The following OSBP2 variants were observed in gnomAD, a reference collection of about 807,000 sequenced individuals.
OSBP2 encodes the protein oxysterol-binding protein 2.
A neutral mutation model predicts 96.0 loss-of-function variants in OSBP2; 66 were observed. The ratio of observed to expected loss-of-function variants is 0.69; its 90% confidence interval spans 0.56 to 0.84. OSBP2 has a LOEUF of 0.84. OSBP2 is among the 40% of genes least tolerant of loss of function. OSBP2 has a pLI of 0.00. For synonymous variants in OSBP2, 525 were observed against 520.9 expected, an observed-to-expected ratio of 1.01 and a Z score of -0.11; for missense variants, 1,038 against 1,222.7, an observed-to-expected ratio of 0.85 and a Z score of 2.25.
At chr22:30,807,021 A>C (rs548177197) in intron 2 of OSBP2, among the ~76,000 whole-genome samples, 3 of 152,336 alleles carry the variant, frequency 2.0e-5, no homozygotes, top group South Asian at 4.1e-4. Flanking sequence ...TGAATTGTTT[A>C]AGAGGCATGT....
intron 12 of OSBP2, 182 bp downstream of exon 12, chr22:30,894,183 C>A (rs2040015910): frequency 1.7e-6 from 1 of 603,578 alleles, no homozygotes; most frequent in South Asian, 2.0e-5. Context: ...AAATGTGAAA[C>A]TATCAAACAC....
chr22:30,832,962 C>A (rs2038559135), intron 2 of OSBP2, among the ~76,000 whole-genome samples: 1 of 152,218 alleles, frequency 6.6e-6, no homozygotes, highest in African/African-American at 2.4e-5. Flanking sequence ...TTAGTTCTTA[C>A]TCTCATGGGA....
intron 2 of OSBP2, among the ~76,000 whole-genome samples, chr22:30,839,783 T>G (rs1261546124): frequency 1.3e-5 from 2 of 151,928 alleles, no homozygotes; most frequent in African/African-American, 4.8e-5. Flanking sequence ...TTTCTCCCAT[T>G]TTGTAGGTTG....
At chr22:30,850,723 T>A (rs1171042645) in intron 2 of OSBP2, among the ~76,000 whole-genome samples, 1 of 152,190 alleles carries the variant, frequency 6.6e-6, no homozygotes, top group Non-Finnish European at 1.5e-5. Flanking sequence ...GGTCTTGAAC[T>A]CCTGACCTCA....
At chr22:30,891,629 C>G (rs1602426403) in intron 8 of OSBP2, among the ~76,000 whole-genome samples, 2 of 152,032 alleles carry the variant, frequency 1.3e-5, no homozygotes, top group African/African-American at 4.8e-5. Flanking sequence ...GTGACACACG[C>G]AGGGGTGTGG....
chr22:30,866,274 C>T (rs1051060819), intron 2 of OSBP2, among the ~76,000 whole-genome samples: 1 of 152,212 alleles, frequency 6.6e-6, no homozygotes, highest in African/African-American at 2.4e-5. Context: ...GAAGATGCCT[C>T]TTTGCTGGCT....
chr22:30,729,654 TGTGTGTGTATATA>T (rs1390618990), intron 1 of OSBP2, among the ~76,000 whole-genome samples: 1 of 151,854 alleles, frequency 6.6e-6, no homozygotes, highest in Admixed American at 6.6e-5. Flanking sequence ...TATATATATA[TGTGTGTGTATATA>T]TGTGTGTGTA....
intron 2 of OSBP2, among the ~76,000 whole-genome samples, chr22:30,801,985 T>C (rs2090856953): frequency 7.3e-6 from 1 of 137,664 alleles, no homozygotes. Flanking sequence ...TGTACATAAA[T>C]AGAATGAATG....
intron 12 of OSBP2, among the ~76,000 whole-genome samples, chr22:30,905,117 C>T (rs1602453802): frequency 1.4e-5 from 2 of 145,888 alleles, no homozygotes; most frequent in East Asian, 4.1e-4. Context: ...CAGCCTGGGC[C>T]ACAGAGCGAG....
At chr22:30,801,543 C>G (rs537691254) in intron 2 of OSBP2, among the ~76,000 whole-genome samples, 2 of 152,338 alleles carry the variant, frequency 1.3e-5, no homozygotes, top group South Asian at 2.1e-4. Context: ...CCTGCTTGGA[C>G]AGCAATTATT....
At chr22:30,723,705 C>T (rs2089593245) in intron 1 of OSBP2, among the ~76,000 whole-genome samples, 1 of 152,152 alleles carries the variant, frequency 6.6e-6, no homozygotes, top group South Asian at 2.1e-4. Flanking sequence ...TGACCCACCG[C>T]ACCCGGCCAG....
chr22:30,732,289 A>G (rs2089792451), intron 1 of OSBP2, among the ~76,000 whole-genome samples: 1 of 152,146 alleles, frequency 6.6e-6, no homozygotes, highest in Non-Finnish European at 1.5e-5. Flanking sequence ...GGGCAACAAG[A>G]GTGAAACTCT....
At chr22:30,841,294 C>G (rs1039028014) in intron 2 of OSBP2, among the ~76,000 whole-genome samples, 1 of 152,190 alleles carries the variant, frequency 6.6e-6, no homozygotes, top group African/African-American at 2.4e-5. Flanking sequence ...TGAAATAAAT[C>G]TTATACCTGT....
intron 2 of OSBP2, among the ~76,000 whole-genome samples, chr22:30,862,244 C>T (rs2039227233): frequency 1.3e-5 from 2 of 152,228 alleles, no homozygotes; most frequent in Admixed American, 6.5e-5. Context: ...CCCCGCCTGC[C>T]CCCTCTAGGC....
At chr22:30,717,510 G>C (rs777339724) in intron 1 of OSBP2, among the ~76,000 whole-genome samples, 7 of 152,176 alleles carry the variant, frequency 4.6e-5, no homozygotes, top group Non-Finnish European at 4.4e-5. Flanking sequence ...TCCAGGACCA[G>C]ATGGGAAGTT....
At chr22:30,801,009 A>T (rs932290475) in intron 2 of OSBP2, among the ~76,000 whole-genome samples, 1 of 152,136 alleles carries the variant, frequency 6.6e-6, no homozygotes, top group African/African-American at 2.4e-5. Context: ...GTGAATTCTG[A>T]ATGTTTTATA....
At chr22:30,844,942 A>G (rs992352003) in intron 2 of OSBP2, among the ~76,000 whole-genome samples, 6 of 152,158 alleles carry the variant, frequency 3.9e-5, no homozygotes, top group Admixed American at 1.3e-4. Flanking sequence ...TAATTTCAAT[A>G]ATGTTGTGTC....
intron 2 of OSBP2, among the ~76,000 whole-genome samples, chr22:30,864,302 G>A (rs909891342): frequency 1.3e-5 from 2 of 152,192 alleles, no homozygotes; most frequent in Non-Finnish European, 2.9e-5. Flanking sequence ...TTAGCCAGAG[G>A]CTGGTGAACG....
At position 30,792,676 on chromosome 22, in the gene OSBP2, T is replaced by C. The variant is rs549833487; in HGVS notation, c.853+51307T>C. Among the ~76,000 whole-genome samples the C allele has an allele frequency of 1.2e-4, 18 of 152,316 alleles. 1 individual carries two copies. In the South Asian group the frequency reaches 3.5e-3, roughly 30 times the overall value. On this transcript the variant is annotated intron_variant, in intron 2 of 13. Transcript: ENST00000332585. ...CCAATTATCATTGGTTGGCAACATG[T>C]TTTATAGAGATAAAAGTTGATTGGC...
Sources: allele counts gnomAD v4.1 joint callset (sites outside exome capture counted in the v4.1 genomes callset), GRCh38; gene constraint gnomAD v4.1.1; transcripts MANE v1.5; gene names NCBI Gene and HGNC (gene_info 2026-07-23, HGNC 2026-07-21).